RNF32: variants seen among roughly 807,000 people sequenced by gnomAD.
The protein encoded by RNF32 is ring finger protein 32.
A neutral mutation model predicts 41.0 loss-of-function variants in RNF32; 36 were observed. The observed-to-expected ratio is 0.88, with a 90% CI of 0.67 to 1.16. The LOEUF (loss-of-function observed/expected upper bound fraction) is 1.16, where lower values mean the gene tolerates loss of function less well. Ranked by LOEUF, RNF32 falls within the 50% of genes most tolerant of loss-of-function variation. The pLI is 0.00. For missense variants in RNF32, 413 were observed against 436.7 expected, an observed-to-expected ratio of 0.95 and a Z score of 0.48; for synonymous variants, 154 against 160.9, an observed-to-expected ratio of 0.96 and a Z score of 0.32.
intron 3 of RNF32, among the ~76,000 whole-genome samples, chr7:156,645,728 A>C (rs1797899386): frequency 6.6e-6 from 1 of 152,262 alleles, no homozygotes; most frequent in Non-Finnish European, 1.5e-5. Flanking sequence ...GGTTAAGAAC[A>C]TACGATAATA....
chr7:156,674,630 G>A (rs1803387466), intron 7 of RNF32, among the ~76,000 whole-genome samples: 1 of 152,010 alleles, frequency 6.6e-6, no homozygotes, highest in African/African-American at 2.4e-5. Flanking sequence ...AGCATTGATG[G>A]CCCCAAGCAC....
chr7:156,644,627 G>T lies in RNF32; in HGVS notation c.144G>T (p.Glu48Asp). 1 of 1,613,456 alleles carries T rather than the reference G, an allele frequency of 6.2e-7. No individual in the cohort carries two copies. The highest frequency in any genetic ancestry group is 8.5e-7 in the Non-Finnish European group (1 of 1,179,564). Reference sequence around the variant, plus strand: ...CTAAGACACAAGTACAAAAGAAAGAGAACAAATCTCTAAAAAGAGATACAA... The same window carrying T: ...CTAAGACACAAGTACAAAAGAAAGATAACAAATCTCTAAAAAGAGATACAA... ...DHSKTQVQKKENKSLKRDTKA... is the reference protein window; with the variant it reads ...DHSKTQVQKKDNKSLKRDTKA... Residue 48 changes from glutamate to aspartate, a missense_variant, in exon 3 of 9, where the codon GAG (glutamate) becomes GAT (aspartate). Transcript: ENST00000317955.
At position 156,675,683 on chromosome 7, in the gene RNF32, G is replaced by A. The variant is rs2886380; in HGVS notation, c.685-13G>A. The A allele has an allele frequency of 1.7e-4, 217 of 1,289,118 alleles. 3 individuals carry two copies. The African/African-American group carries it at 2.7e-3, about 16-fold the overall frequency. The allele number at this position is 1,289,118 out of a possible 1,614,324, so 79.9% of individuals were successfully genotyped here. A position where few individuals can be genotyped will look rare whatever the true frequency, so the allele number is the denominator to read the frequency against. Reference sequence around the variant, plus strand: ...CTCAGGTGTGAGCTTACCCGCCCCCGCCTCCTCCTCAGTTCACAGAAATCA... The same window carrying A: ...CTCAGGTGTGAGCTTACCCGCCCCCACCTCCTCCTCAGTTCACAGAAATCA... On this transcript the variant is annotated splice_polypyrimidine_tract_variant and intron_variant, in intron 7 of 8. Coordinates refer to ENST00000317955, the MANE Select transcript of RNF32 (RefSeq NM_030936.4).
intron 7 of RNF32, among the ~76,000 whole-genome samples, chr7:156,667,633 G>C (rs1477514556): frequency 2.0e-5 from 3 of 152,150 alleles, no homozygotes; most frequent in African/African-American, 7.2e-5. Flanking sequence ...CATAAAAAGC[G>C]AGGGAGTAAA....
intron 3 of RNF32, among the ~76,000 whole-genome samples, chr7:156,650,852 G>C (rs1228845665): frequency 6.6e-6 from 1 of 152,212 alleles, no homozygotes; most frequent in Non-Finnish European, 1.5e-5. Context: ...TTTCTCTGCA[G>C]GCCAGGTGCT....
chr7:156,674,609 G>A (rs962532458), intron 7 of RNF32, among the ~76,000 whole-genome samples: 4 of 152,154 alleles, frequency 2.6e-5, no homozygotes, highest in South Asian at 4.1e-4. Flanking sequence ...CCGGGAGGCC[G>A]AGGCTGAGTG....
At chr7:156,673,349 A>C (rs900858174) in intron 7 of RNF32, among the ~76,000 whole-genome samples, 7 of 152,240 alleles carry the variant, frequency 4.6e-5, no homozygotes, top group African/African-American at 1.7e-4. Context: ...TATATTTCCA[A>C]GTAATTTTTC....
chr7:156,662,492 A>G (rs1800788145), intron 7 of RNF32, among the ~76,000 whole-genome samples: 1 of 152,108 alleles, frequency 6.6e-6, no homozygotes. Flanking sequence ...GTATTTCCAG[A>G]TGAGCTGAGC....
intron 7 of RNF32, among the ~76,000 whole-genome samples, chr7:156,666,219 T>C (rs1801318755): frequency 1.3e-5 from 2 of 152,258 alleles, no homozygotes; most frequent in African/African-American, 4.8e-5. Flanking sequence ...ATACTCAGGA[T>C]GAGATTAGCC....
rs759592626 is a variant in RNF32, at chr7:156,658,499, T to C, written c.613T>C (p.Trp205Arg). Residue 205 changes from tryptophan to arginine, a missense_variant, in exon 7 of 9, where the codon TGG becomes CGG. Coordinates refer to ENST00000317955, the MANE Select transcript of RNF32 (RefSeq NM_030936.4). ...CTGGAGAGGATGTGTTGTTAGAAAG[T>C]GGTACAGAAACCTGAGGAAAACAGT... ...AYWRGCVVRKWYRNLRKTVPP... is the reference protein window; with the variant it reads ...AYWRGCVVRKRYRNLRKTVPP... 5 of 1,613,786 alleles carry C rather than the reference T, an allele frequency of 3.1e-6. No individual in the cohort carries two copies. The highest frequency in any genetic ancestry group is 4.2e-6 in the Non-Finnish European group (5 of 1,179,756).
chr7:156,651,948 C>T (rs546942823), intron 3 of RNF32, among the ~76,000 whole-genome samples: 2 of 152,242 alleles, frequency 1.3e-5, no homozygotes, highest in African/African-American at 2.4e-5. Flanking sequence ...AGCAGCATCC[C>T]GGGACCCTGG....
chr7:156,650,318 C>T (rs1393069276), intron 3 of RNF32, among the ~76,000 whole-genome samples: 1 of 152,172 alleles, frequency 6.6e-6, no homozygotes, highest in Non-Finnish European at 1.5e-5. Flanking sequence ...ACAGACCTTC[C>T]TTCCGCTTCA....
intron 7 of RNF32, among the ~76,000 whole-genome samples, chr7:156,674,600 C>T (rs986179257): frequency 2.6e-5 from 4 of 152,094 alleles, no homozygotes; most frequent in African/African-American, 4.8e-5. Context: ...GGCTTGAGCC[C>T]GGGAGGCCGA....
rs370493845 is a variant in RNF32, at chr7:156,643,898, C to T, written c.15+6C>T. The T allele has an allele frequency of 6.2e-7, 1 of 1,608,540 alleles. No homozygotes were observed. The highest frequency in any genetic ancestry group is 8.5e-7 in the Non-Finnish European group (1 of 1,175,288). On this transcript the variant is annotated splice_donor_region_variant and intron_variant, in intron 2 of 8. Transcript: ENST00000317955. ...TCGGCATGTTAAAAAATAAGGTACG[C>T]TATTCTTTTCTTAAACATACACGTT... is the stretch of plus-strand genomic sequence containing the variant.
intron 8 of RNF32, chr7:156,676,218 C>T (rs2131775474): frequency 6.7e-7 from 1 of 1,495,920 alleles, no homozygotes; most frequent in East Asian, 2.5e-5. Flanking sequence ...TTCCACAGTT[C>T]CCAGGAGTAA....
Position 156,644,744 on chromosome 7 carries a change from G to A in RNF32, c.261G>A (p.Pro87=), listed in dbSNP as rs373905980. The part of the protein sequence containing the change: ...EKEYVLDPKP[P]PLTLAQKLGL... ...AATATGTTCTTGATCCCAAACCGCC[G>A]CCGTTGACTTTGGGTAAGCTGACGT... Residue 87 remains proline, a synonymous_variant, in exon 3 of 9, where the codon CCG becomes CCA. Transcript: ENST00000317955. 3.4e-5 allele frequency: 55 copies of A among 1,607,026 alleles called. No homozygotes were observed. The Middle Eastern group carries it at 2.2e-3, about 63-fold the overall frequency.
At chr7:156,654,756 GCTGTTT>G in intron 4 of RNF32, 38 bp downstream of exon 4, 1 of 1,591,712 alleles carries the variant, frequency 6.3e-7, no homozygotes. Context: ...GAGCTCCTGG[GCTGTTT>G]CCTAGGGACG....
At position 156,660,027 on chromosome 7, in the gene RNF32, C is replaced by G. The variant is rs1040360017; in HGVS notation, c.684+1457C>G. On this transcript the variant is annotated intron_variant, in intron 7 of 8. Coordinates refer to ENST00000317955, the MANE Select transcript of RNF32 (RefSeq NM_030936.4). The stretch of plus-strand genomic sequence containing the variant: ...CCCACTGGACGTTGGGTCCGCTGCC[C>G]TGTGGCCATCCCACCTCCCCACAAA... 2.2e-5 allele frequency: 22 copies of G among 985,496 alleles called. No individual in the cohort carries two copies. In the African/African-American group the frequency reaches 3.7e-4, roughly 16 times the overall value. 61.0% of individuals were successfully genotyped at this position (985,496 alleles called of 1,614,324 possible).
chr7:156,654,603 C>T lies in RNF32; in HGVS notation c.302C>T (p.Pro101Leu). Residue 101 changes from proline (P) to leucine (L), a missense_variant, in exon 4 of 9, where the codon CCA becomes CTA. Coordinates refer to ENST00000317955, the MANE Select transcript of RNF32 (RefSeq NM_030936.4). ...CAGAAGTTGGGCCTCATTGGGCCTC[C>T]ACCACCTCCACTGTCATCAGATGAA... Reference protein sequence around the residue: ...LAQKLGLIGPPPPPLSSDEWE... With the variant: ...LAQKLGLIGPLPPPLSSDEWE... The T allele has an allele frequency of 1.2e-6, 2 of 1,614,078 alleles. No individual in the cohort carries two copies. Among genetic ancestry groups the T allele is most frequent in the East Asian group, 2.2e-5 (1 of 44,886 alleles).
Sources: gnomAD v4.1 joint callset for allele counts (sites outside exome capture counted in the v4.1 genomes callset) on GRCh38, gnomAD v4.1.1 for gene constraint, MANE v1.5 for transcripts, NCBI Gene and HGNC (gene_info 2026-07-23, HGNC 2026-07-21) for gene names.